The following RBM10 variants were observed in gnomAD, a reference collection of about 807,000 sequenced individuals.
The protein encoded by RBM10 is RNA binding motif protein 10.
Under a neutral mutation model 84.9 loss-of-function variants are expected in RBM10, and 1 was observed. The observed-to-expected ratio is 0.01, with a 90% CI of 0.00 to 0.06. The LOEUF (loss-of-function observed/expected upper bound fraction) is 0.06, where lower values mean the gene tolerates loss of function less well. Among genes scored for constraint, RBM10 ranks in the 10% least tolerant of loss-of-function variants. The pLI is 1.00. For missense variants in RBM10, 438 were observed against 839.0 expected, an observed-to-expected ratio of 0.52 and a Z score of 5.90; for synonymous variants, 326 against 344.5, an observed-to-expected ratio of 0.95 and a Z score of 0.60.
At chrX:47,184,396 G>T (rs1935756603) in intron 17 of RBM10, among the ~76,000 whole-genome samples, 1 of 112,560 alleles carries the variant, frequency 8.9e-6, no homozygotes, top group African/African-American at 3.2e-5. Context: ...CTCCCAAAGT[G>T]CTGGGATTAC....
chrX:47,182,055 C>CCCAGGGAG lies in RBM10; in HGVS notation c.1785+14_1785+21dup, dbSNP rs1935588856. On this transcript the variant is annotated intron_variant, in intron 16 of 23. Coordinates refer to ENST00000377604, the MANE Select transcript of RBM10 (RefSeq NM_005676.5). ...CCCCAACTCCCAGGTAATAGGGCAG[C>CCCAGGGAG]CCAGGGAGGGATGGGATCGGGTCAG... The CCCAGGGAG allele has an allele frequency of 8.3e-7, 1 of 1,209,364 alleles. No homozygotes were observed. Among genetic ancestry groups the CCCAGGGAG allele is most frequent in the Non-Finnish European group, 1.1e-6 (1 of 895,021 alleles).
chrX:47,157,660 C>G, intron 2 of RBM10: 1 of 526,153 alleles, frequency 1.9e-6, no homozygotes, highest in South Asian at 2.6e-5. Context: ...AACCTGTGCA[C>G]CAGCTCCAGG....
chrX:47,177,621 CT>C (rs371789227), intron 7 of RBM10, among the ~76,000 whole-genome samples: 8,068 of 101,588 alleles, frequency 0.079, 864 homozygotes, highest in African/African-American at 0.27. Flanking sequence ...AGGGAATTCT[CT>C]TTTTTTTTTT....
chrX:47,186,219 CGGCA>C, intron 22 of RBM10, 35 bp from the exon 23 acceptor site: 1 of 1,209,402 alleles, frequency 8.3e-7, no homozygotes, highest in Non-Finnish European at 1.1e-6. Flanking sequence ...GGGCCGGGGC[CGGCA>C]GGCCGACCAC....
In RBM10 at chrX:47,182,166, A is replaced by T. The variant is rs2147197815; in HGVS notation, c.1790A>T (p.Tyr597Phe). 1 of 1,211,350 alleles carries T rather than the reference A, an allele frequency of 8.3e-7. No homozygotes were observed. The highest frequency in any genetic ancestry group is 1.1e-6 in the Non-Finnish European group (1 of 895,419). Residue 597 changes from tyrosine (Y) to phenylalanine (F), a missense_variant, in exon 17 of 24, where the codon TAC becomes TTC. By Grantham distance (22) the Tyr-to-Phe change is conservative. Transcript: ENST00000377604. ...GLYYDPNSQY[Y>F]YNAQSQQYLY... ...TCTTCCCTCCTCCTCCCTCAGTATT[A>T]CTACAATGCTCAGAGCCAGCAGTAC... is the stretch of plus-strand genomic sequence containing the variant.
At chrX:47,176,045 G>A (rs1169299782) in intron 6 of RBM10, among the ~76,000 whole-genome samples, 1 of 112,887 alleles carries the variant, frequency 8.9e-6, no homozygotes, top group African/African-American at 3.2e-5. Flanking sequence ...CCATCTGTTC[G>A]AAATGGCTCT....
chrX:47,177,991 C>G (rs1935258857), intron 7 of RBM10, among the ~76,000 whole-genome samples: 1 of 111,131 alleles, frequency 9.0e-6, no homozygotes, highest in African/African-American at 3.3e-5. Context: ...TCACTTCCAT[C>G]ACAGAAACGC....
At chrX:47,155,722 C>T (rs1259873081) in intron 2 of RBM10, among the ~76,000 whole-genome samples, 2 of 88,950 alleles carry the variant, frequency 2.2e-5, no homozygotes, top group African/African-American at 8.4e-5. Flanking sequence ...CAGAGCGAGA[C>T]TCCATCTCAA....
In RBM10 at chrX:47,181,354, C is replaced by T. The variant is rs2147185724; in HGVS notation, c.1388C>T (p.Thr463Ile). The T allele has an allele frequency of 8.3e-7, 1 of 1,204,455 alleles. No homozygotes were observed. The highest frequency in any genetic ancestry group is 1.1e-6 in the Non-Finnish European group (1 of 891,644). The stretch of plus-strand genomic sequence containing the variant: ...TATGCCCATGGCTACCTCAAGGGCA[C>T]CAAGGGCCCTGGCATCACTGGAACC... ...SLYAHGYLKG[T>I]KGPGITGTKG... is the part of the protein sequence containing the mutation. The change falls in exon 13 of 24, where the codon ACC (threonine) becomes ATC (isoleucine). Residue 463 changes from threonine to isoleucine, a missense_variant. Physicochemically the swap from Thr to Ile is moderately conservative, Grantham distance 89 (BLOSUM62 -1). Around this residue, in one of 8 missense-constraint regions of RBM10, gnomAD observed 97 missense variants for 110.3 expected, o/e 0.88. Coordinates refer to ENST00000377604, the MANE Select transcript of RBM10 (RefSeq NM_005676.5).
chrX:47,154,918 C>T lies in RBM10; in HGVS notation c.17+7420C>T, dbSNP rs781999164. The stretch of plus-strand genomic sequence containing the variant: ...ATCCCAGCACTTTGGGAGGCCGAGG[C>T]GGGTGAATCACGAGGTCAGGAGTTT... On this transcript the variant is annotated intron_variant, in intron 2 of 23. Coordinates refer to ENST00000377604, the MANE Select transcript of RBM10 (RefSeq NM_005676.5). Among the ~76,000 whole-genome samples, 8 of 107,889 alleles carry T rather than the reference C, an allele frequency of 7.4e-5. No individual in the cohort carries two copies. The South Asian group carries it at 1.7e-3, about 23-fold the overall frequency. 93.7% of individuals were successfully genotyped at this position (107,889 alleles called of 115,157 possible). A position where few individuals can be genotyped will look rare whatever the true frequency, so the allele number is the denominator to read the frequency against.
Position 47,181,751 on chromosome X carries a change from G to A in RBM10, c.1578G>A (p.Ser526=), listed in dbSNP as rs782356345. 4 of 1,210,933 alleles carry A rather than the reference G, an allele frequency of 3.3e-6. No homozygotes were observed. Among genetic ancestry groups the A allele is most frequent in the Admixed American group, 2.2e-5 (1 of 45,989 alleles). ...CTCCTGTCTGGCCCCATGACCAGTC[G>A]TATACCATCATGTCACCCGCTGTGC... ...SSQGTAANSQ[S]YTIMSPAVLK... The change falls in exon 15 of 24, where the codon TCG becomes TCA. Residue 526 remains serine (S), a splice_region_variant and synonymous_variant. Transcript: ENST00000377604.
In RBM10 at chrX:47,147,395, G is replaced by A. The variant is rs2147064658; in HGVS notation, c.-87G>A. The A allele has an allele frequency of 1.7e-6, 2 of 1,207,987 alleles. No individual in the cohort carries two copies. Among genetic ancestry groups the A allele is most frequent in the Admixed American group, 4.4e-5 (2 of 45,656 alleles). ...AGCATCACCCAGGCTGGCAGATCAT[G>A]GTAGCAGCAGCGGGGGTGGCTGGGA... is the stretch of plus-strand genomic sequence containing the variant. On this transcript the variant is annotated 5_prime_UTR_variant, in exon 2 of 24. An upstream start codon of the reference 5' UTR is lost. Coordinates refer to ENST00000377604, the MANE Select transcript of RBM10 (RefSeq NM_005676.5).
intron 6 of RBM10, among the ~76,000 whole-genome samples, chrX:47,175,962 C>T (rs905346250): frequency 1.1e-4 from 12 of 112,711 alleles, no homozygotes; most frequent in South Asian, 3.6e-4. Flanking sequence ...GCCGTCTCCT[C>T]GGGGTTGGTA....
At position 47,164,107 on chromosome X, in the gene RBM10, G is replaced by A. The variant is rs183111614; in HGVS notation, c.18-5208G>A. On this transcript the variant is annotated intron_variant, in intron 2 of 23. Coordinates refer to ENST00000377604, the MANE Select transcript of RBM10 (RefSeq NM_005676.5). Reference sequence around the variant, plus strand: ...GATTGTCTCGATCTCCTGACCTTGCGATCTGCCCACATTGGCCTCCCAAAG... The same window carrying A: ...GATTGTCTCGATCTCCTGACCTTGCAATCTGCCCACATTGGCCTCCCAAAG... Among the ~76,000 whole-genome samples, 50 of 109,710 alleles carry A rather than the reference G, an allele frequency of 4.6e-4. 1 individual carries two copies. Among genetic ancestry groups the A allele is most frequent in the African/African-American group, 1.6e-3 (49 of 30,100 alleles).
chrX:47,178,214 T>TA (rs1175632260), intron 7 of RBM10, among the ~76,000 whole-genome samples: 1 of 111,546 alleles, frequency 9.0e-6, no homozygotes, highest in African/African-American at 3.3e-5. Flanking sequence ...CTCCATTACC[T>TA]AACTGGCTTC....
At chrX:47,161,904 G>A (rs1305158638) in intron 2 of RBM10, among the ~76,000 whole-genome samples, 1 of 110,958 alleles carries the variant, frequency 9.0e-6, no homozygotes, top group Non-Finnish European at 1.9e-5. Flanking sequence ...GTGCAGTGGC[G>A]CAATCTCGGC....
chrX:47,180,367 C>G (rs1422097770), intron 11 of RBM10, 52 bp from the exon 12 acceptor site: 2 of 1,160,230 alleles, frequency 1.7e-6, no homozygotes, highest in Admixed American at 2.3e-5. Context: ...CCCACTCCCC[C>G]CTACCGCTTG....
At chrX:47,159,455 G>A (rs1305007221) in intron 2 of RBM10, among the ~76,000 whole-genome samples, 1 of 109,240 alleles carries the variant, frequency 9.2e-6, no homozygotes, top group Non-Finnish European at 1.9e-5. Flanking sequence ...GGGTGCATGT[G>A]ATAGAATAAA....
At position 47,185,474 on chromosome X, in the gene RBM10, C is replaced by T. The variant is rs146185615; in HGVS notation, c.2199C>T (p.Ser733=). 8.5e-6 allele frequency: 10 copies of T among 1,171,795 alleles called. No homozygotes were observed. The highest frequency in any genetic ancestry group is 2.3e-4 in the Middle Eastern group (1 of 4,333). Residue 733 remains serine (S), a synonymous_variant, in exon 20 of 24, where the codon AGC becomes AGT. Coordinates refer to ENST00000377604, the MANE Select transcript of RBM10 (RefSeq NM_005676.5). Reference sequence around the variant, plus strand: ...CGCGAGGACTGGTGGCAGCCTACAGCGGGGAGAGTGACAGTGAGGAGGAGC... The same window carrying T: ...CGCGAGGACTGGTGGCAGCCTACAGTGGGGAGAGTGACAGTGAGGAGGAGC... The part of the protein sequence containing the change: ...SPPRGLVAAY[S]GESDSEEEQE...
Sources: gnomAD v4.1 joint callset for allele counts (sites outside exome capture counted in the v4.1 genomes callset) on GRCh38, gnomAD v4.1.1 for gene constraint, gnomAD v4.1.1 regional missense constraint, MANE v1.5 for transcripts, NCBI Gene and HGNC (gene_info 2026-07-23, HGNC 2026-07-21) for gene names.